The following PARL variants were observed in gnomAD, a reference collection of about 807,000 sequenced individuals.
PARL encodes the protein presenilin-associated rhomboid-like protein, mitochondrial.
A neutral mutation model predicts 51.6 loss-of-function variants in PARL; 44 were observed. The observed-to-expected ratio is 0.85, with a 90% CI of 0.67 to 1.10. The LOEUF (loss-of-function observed/expected upper bound fraction) is 1.10. Among genes scored for constraint, PARL ranks in the 50% least tolerant of loss-of-function variants. PARL has a pLI of 0.00. For synonymous variants in PARL, 172 were observed against 164.0 expected, an observed-to-expected ratio of 1.05 and a Z score of -0.37; for missense variants, 441 against 469.5, an observed-to-expected ratio of 0.94 and a Z score of 0.56.
At chr3:183,853,181 A>G (rs1449359921) in intron 4 of PARL, among the ~76,000 whole-genome samples, 1 of 152,254 alleles carries the variant, frequency 6.6e-6, no homozygotes, top group Non-Finnish European at 1.5e-5. Flanking sequence ...CAATCAAAAG[A>G]GTAAAAAAGC....
At chr3:183,866,516 T>C in intron 3 of PARL, 109 bp downstream of exon 3, 1 of 861,294 alleles carries the variant, frequency 1.2e-6, no homozygotes, top group Non-Finnish European at 2.0e-6. Context: ...ATTTCATTAT[T>C]ACACATTATG....
intron 1 of PARL, among the ~76,000 whole-genome samples, chr3:183,871,624 T>G (rs1456066817): frequency 6.6e-6 from 1 of 150,852 alleles, no homozygotes; most frequent in African/African-American, 2.4e-5. Flanking sequence ...TACAAAAGAG[T>G]ACATGATATG....
intron 4 of PARL, among the ~76,000 whole-genome samples, chr3:183,850,650 G>A (rs1468609728): frequency 6.6e-6 from 1 of 152,130 alleles, no homozygotes; most frequent in Non-Finnish European, 1.5e-5. Flanking sequence ...AACATTCTAT[G>A]TAGCCACTAT....
At chr3:183,838,908 T>C (rs1257649263) in intron 7 of PARL, among the ~76,000 whole-genome samples, 1 of 152,224 alleles carries the variant, frequency 6.6e-6, no homozygotes, top group African/African-American at 2.4e-5. Flanking sequence ...TAGAGAATCC[T>C]CATTCCTTTC....
intron 5 of PARL, chr3:183,843,293 G>A: frequency 2.0e-6 from 2 of 985,272 alleles, no homozygotes; most frequent in Non-Finnish European, 2.4e-6. Context: ...TGTCCTTATG[G>A]CAAAAGTTGA....
chr3:183,882,226 TA>T (rs1734555525), intron 1 of PARL, among the ~76,000 whole-genome samples: 1 of 25,780 alleles, frequency 3.9e-5, no homozygotes, highest in Non-Finnish European at 7.4e-5. Context: ...AAAAAAAATA[TA>T]TATATATATA....
intron 7 of PARL, among the ~76,000 whole-genome samples, chr3:183,839,508 C>T (rs1167286726): frequency 2.0e-5 from 3 of 149,970 alleles, no homozygotes; most frequent in South Asian, 2.1e-4. Context: ...AACCTCTACC[C>T]GCTGGGTTCA....
chr3:183,852,928 T>A (rs1401334468), intron 4 of PARL, among the ~76,000 whole-genome samples: 1 of 152,146 alleles, frequency 6.6e-6, no homozygotes, highest in Non-Finnish European at 1.5e-5. Context: ...GATACCCACA[T>A]GCAAAAGACA....
At chr3:183,873,119 A>G (rs1418085521) in intron 1 of PARL, among the ~76,000 whole-genome samples, 1 of 152,220 alleles carries the variant, frequency 6.6e-6, no homozygotes. Context: ...TCTAGTAAGT[A>G]AAGTCGCAAT....
rs1257075879 is a variant in PARL, at chr3:183,829,647, C to T, written c.1091G>A (p.Trp364Ter). The T allele has an allele frequency of 6.2e-7, 1 of 1,614,132 alleles. No individual in the cohort carries two copies. Among genetic ancestry groups the T allele is most frequent in the Non-Finnish European group, 8.5e-7 (1 of 1,180,022 alleles). Residue 364 changes from tryptophan (W) to a stop codon, truncating the protein, a stop_gained, in exon 10 of 10, where the codon TGG (tryptophan) becomes TAG (stop). Transcript: ENST00000317096. LOFTEE classifies it high-confidence loss of function. The part of the protein sequence containing the change: ...WKNREPLVKI[W>*]HEIRTNGPKK... ...GGGGCCATTAGTCCTTATTTCATGCCAGATTTTCACTAGCGGCTCCCTGTT... is the reference window on the plus strand; with the variant it reads ...GGGGCCATTAGTCCTTATTTCATGCTAGATTTTCACTAGCGGCTCCCTGTT...
chr3:183,842,452 AAG>A lies in PARL; in HGVS notation c.608-7_608-6del, dbSNP rs774627375. On this transcript the variant is annotated splice_region_variant and splice_polypyrimidine_tract_variant and intron_variant, in intron 5 of 9. Coordinates refer to ENST00000317096, the MANE Select transcript of PARL (RefSeq NM_018622.7). Reference sequence around the variant, plus strand: ...ACATTGGAGAACAAAGGACCTCTACAAGAGAGAGAAACATAGTCTGGTAATCA... The same window carrying A: ...ACATTGGAGAACAAAGGACCTCTACAAGAGAGAAACATAGTCTGGTAATCA... 1.2e-6 allele frequency: 2 copies of A among 1,611,240 alleles called. No homozygotes were observed. The highest frequency in any genetic ancestry group is 1.1e-5 in the South Asian group (1 of 91,014).
intron 4 of PARL, among the ~76,000 whole-genome samples, chr3:183,855,821 G>A (rs1731081239): frequency 1.3e-5 from 2 of 152,022 alleles, no homozygotes; most frequent in South Asian, 4.2e-4. Context: ...TTACCCAGGC[G>A]TGATGACAGG....
chr3:183,858,685 G>T (rs1731440586), intron 4 of PARL, among the ~76,000 whole-genome samples: 1 of 152,108 alleles, frequency 6.6e-6, no homozygotes, highest in Admixed American at 6.6e-5. Context: ...CTCTCTGGGG[G>T]TTGCCTGGGG....
intron 6 of PARL, 79 bp downstream of exon 6, chr3:183,842,219 G>T: frequency 7.4e-7 from 1 of 1,343,444 alleles, no homozygotes. Flanking sequence ...GAATATGGCA[G>T]TAATCATTCC....
At position 183,829,667 on chromosome 3, in the gene PARL, C is replaced by G; in HGVS notation, c.1071G>C (p.Arg357Ser). 6.2e-7 allele frequency: 1 copy of G among 1,614,148 alleles called. No individual in the cohort carries two copies. Among genetic ancestry groups the G allele is most frequent in the African/African-American group, 1.3e-5 (1 of 75,042 alleles). Residue 357 changes from arginine to serine, a missense_variant, in exon 10 of 10, where the codon AGG (arginine) becomes AGC (serine). By Grantham distance (110) the Arg-to-Ser change is moderately radical. Coordinates refer to ENST00000317096, the MANE Select transcript of PARL (RefSeq NM_018622.7). ...CATGCCAGATTTTCACTAGCGGCTC[C>G]CTGTTCTTCCAAATCAGTTCATGAC... ...TYGHELIWKN[R>S]EPLVKIWHEI...
intron 4 of PARL, among the ~76,000 whole-genome samples, chr3:183,854,520 G>A (rs561265515): frequency 1.4e-4 from 21 of 152,148 alleles, no homozygotes; most frequent in African/African-American, 5.1e-4. Context: ...CTTGTATGAG[G>A]TATCTAAAGT....
At chr3:183,841,494 A>G (rs1178133585) in intron 6 of PARL, among the ~76,000 whole-genome samples, 1 of 152,222 alleles carries the variant, frequency 6.6e-6, no homozygotes, top group Non-Finnish European at 1.5e-5. Flanking sequence ...CATTTTTGCA[A>G]CATCACTCAG....
chr3:183,871,275 T>C (rs553681538), intron 1 of PARL, among the ~76,000 whole-genome samples: 1 of 152,168 alleles, frequency 6.6e-6, no homozygotes, highest in South Asian at 2.1e-4. Context: ...AAGGTGGTAC[T>C]ATACTCAAAG....
At chr3:183,847,431 G>A (rs887436781) in intron 4 of PARL, among the ~76,000 whole-genome samples, 1 of 152,114 alleles carries the variant, frequency 6.6e-6, no homozygotes, top group Non-Finnish European at 1.5e-5. Flanking sequence ...TGGGCATGGT[G>A]GCACATGCTT....
Sources: allele counts gnomAD v4.1 joint callset (sites outside exome capture counted in the v4.1 genomes callset), GRCh38; gene constraint gnomAD v4.1.1; transcripts MANE v1.5; gene names NCBI Gene and HGNC (gene_info 2026-07-23, HGNC 2026-07-21).